Variants in ULK4 observed in about 807,000 individuals in gnomAD.
ULK4 encodes inactive serine/threonine-protein kinase ULK4.
In ULK4, 133 loss-of-function variants were observed where a neutral mutation model predicts 160.6. The ratio of observed to expected loss-of-function variants is 0.83; its 90% CI spans 0.72 to 0.96. ULK4 has a LOEUF of 0.96. Among genes scored for constraint, ULK4 ranks in the 40% least tolerant of loss-of-function variants. ULK4 has a pLI of 0.00. For missense variants in ULK4, 1,580 were observed against 1,499.5 expected, an observed-to-expected ratio of 1.05 and a Z score of -0.89; for synonymous variants, 534 against 539.8, an observed-to-expected ratio of 0.99 and a Z score of 0.15.
chr3:41,785,369 C>T (rs536882668), intron 21 of ULK4, among the ~76,000 whole-genome samples: 5 of 152,184 alleles, frequency 3.3e-5, no homozygotes, highest in African/African-American at 9.6e-5. Flanking sequence ...AATGCATAGA[C>T]GCAGACAGAA....
intron 32 of ULK4, among the ~76,000 whole-genome samples, chr3:41,550,830 T>C (rs572272478): frequency 1.3e-5 from 2 of 152,054 alleles, no homozygotes; most frequent in Non-Finnish European, 2.9e-5. Context: ...CTGCAGAATA[T>C]ATGTTCTTCT....
chr3:41,590,826 G>A (rs2031246591), intron 31 of ULK4, among the ~76,000 whole-genome samples: 1 of 151,734 alleles, frequency 6.6e-6, no homozygotes, highest in African/African-American at 2.4e-5. Context: ...GAGGCTCAGT[G>A]TCTTATGGGA....
intron 32 of ULK4, among the ~76,000 whole-genome samples, chr3:41,490,484 G>T (rs2084711881): frequency 6.6e-6 from 1 of 152,096 alleles, no homozygotes; most frequent in African/African-American, 2.4e-5. Flanking sequence ...GACAGCCTCT[G>T]CTTCCCTCAA....
chr3:41,278,988 A>G (rs1007581543), intron 35 of ULK4, among the ~76,000 whole-genome samples: 1 of 152,152 alleles, frequency 6.6e-6, no homozygotes, highest in Non-Finnish European at 1.5e-5. Flanking sequence ...GGTCGGTAAT[A>G]ACAAACTTCT....
intron 25 of ULK4, among the ~76,000 whole-genome samples, chr3:41,714,894 C>T (rs535644906): frequency 1.1e-4 from 16 of 149,834 alleles, no homozygotes; most frequent in African/African-American, 3.7e-4. Flanking sequence ...CAATATAAGC[C>T]GAAGTAAATA....
At chr3:41,822,615 C>T (rs924432601) in intron 18 of ULK4, among the ~76,000 whole-genome samples, 2 of 149,894 alleles carry the variant, frequency 1.3e-5, no homozygotes, top group Non-Finnish European at 3.0e-5. Context: ...GACAGCATTT[C>T]GCCATGTTGG....
intron 5 of ULK4, among the ~76,000 whole-genome samples, chr3:41,927,116 G>A (rs144971964): frequency 0.013 from 2,033 of 152,260 alleles, 42 homozygotes; most frequent in African/African-American, 0.047. Context: ...TGGGTTACCC[G>A]CAAAGGGAAG....
intron 5 of ULK4, among the ~76,000 whole-genome samples, chr3:41,929,426 C>T (rs1001548577): frequency 1.3e-5 from 2 of 152,080 alleles, no homozygotes; most frequent in Admixed American, 6.6e-5. Flanking sequence ...CTTTGAAATC[C>T]GGCACAAGAC....
At chr3:41,620,948 A>G (rs921871892) in intron 30 of ULK4, among the ~76,000 whole-genome samples, 1 of 152,230 alleles carries the variant, frequency 6.6e-6, no homozygotes, top group Non-Finnish European at 1.5e-5. Context: ...TGCAAAAGTC[A>G]CAAGCATTCC....
chr3:41,703,392 AT>A (rs980867219), intron 27 of ULK4, among the ~76,000 whole-genome samples: 19 of 152,324 alleles, frequency 1.2e-4, no homozygotes, highest in African/African-American at 4.3e-4. Flanking sequence ...AGATAAATGT[AT>A]CCATGACATT....
At chr3:41,442,362 G>A (rs2083192229) in intron 34 of ULK4, among the ~76,000 whole-genome samples, 1 of 152,100 alleles carries the variant, frequency 6.6e-6, no homozygotes, top group South Asian at 2.1e-4. Context: ...GAAATACGCA[G>A]ATGATTTAAA....
chr3:41,311,456 C>T (rs568799994), intron 35 of ULK4, among the ~76,000 whole-genome samples: 4 of 152,290 alleles, frequency 2.6e-5, no homozygotes, highest in African/African-American at 9.6e-5. Context: ...CCTCCAACAT[C>T]GGACTCCAAG....
rs1042559389 is a variant in ULK4, at chr3:41,755,285, A to AT, written c.2194-798dup. 5.3e-4 allele frequency among the ~76,000 whole-genome samples: 80 copies of AT among 150,762 alleles called. No individual in the cohort carries two copies. The Middle Eastern group carries it at 0.017, about 32-fold the overall frequency. ...TGTCCAAGACAGATTTAAGAAGCTC[A>AT]TTTTTTTTTGGCCACACTCCAGTCC... On this transcript the variant is annotated intron_variant, in intron 21 of 36. Coordinates refer to ENST00000301831, the MANE Select transcript of ULK4 (RefSeq NM_017886.4).
chr3:41,776,003 C>T (rs1227376348), intron 21 of ULK4, among the ~76,000 whole-genome samples: 1 of 150,776 alleles, frequency 6.6e-6, no homozygotes, highest in Non-Finnish European at 1.5e-5. Context: ...TTTCTTTGTA[C>T]ACATGTATTT....
chr3:41,654,669 A>G (rs2034865088), intron 30 of ULK4, among the ~76,000 whole-genome samples: 2 of 152,184 alleles, frequency 1.3e-5, no homozygotes. Context: ...CACTGTTTTA[A>G]ATATTTTATG....
chr3:41,506,316 A>T (rs938516220), intron 32 of ULK4, among the ~76,000 whole-genome samples: 1 of 152,142 alleles, frequency 6.6e-6, no homozygotes, highest in African/African-American at 2.4e-5. Flanking sequence ...CTATCTTTCA[A>T]TCCATCTTTT....
intron 35 of ULK4, among the ~76,000 whole-genome samples, chr3:41,349,328 T>C (rs1221255682): frequency 2.6e-5 from 4 of 152,216 alleles, no homozygotes; most frequent in African/African-American, 9.6e-5. Flanking sequence ...TGATTCAGCA[T>C]TTCCTGAATA....
intron 32 of ULK4, among the ~76,000 whole-genome samples, chr3:41,518,278 T>C (rs58791204): frequency 0.054 from 8,239 of 152,242 alleles, 707 homozygotes; most frequent in African/African-American, 0.19. Context: ...TCTATATATC[T>C]GTAAGTAGAA....
intron 22 of ULK4, among the ~76,000 whole-genome samples, chr3:41,746,171 G>A (rs909547709): frequency 2.1e-5 from 3 of 144,626 alleles, no homozygotes; most frequent in Admixed American, 1.4e-4. Flanking sequence ...CTAAAATAAG[G>A]CAATAAAAAT....
Sources: gnomAD v4.1 joint callset for allele counts (sites outside exome capture counted in the v4.1 genomes callset) on GRCh38, gnomAD v4.1.1 for gene constraint, MANE v1.5 for transcripts, NCBI Gene and HGNC (gene_info 2026-07-23, HGNC 2026-07-21) for gene names.